The following TRAPPC9 variants were observed in gnomAD, a reference collection of about 807,000 sequenced individuals.
TRAPPC9 encodes IKK2 binding protein.
A neutral mutation model predicts 124.0 loss-of-function variants in TRAPPC9; 83 were observed. That is an observed-to-expected ratio of 0.67 (90% CI 0.56 to 0.80). TRAPPC9 has a LOEUF of 0.80. Among genes scored for constraint, TRAPPC9 ranks in the 30% least tolerant of loss-of-function variants. The pLI is 0.00. For missense variants in TRAPPC9, 1,302 were observed against 1,508.3 expected (o/e 0.86, Z 2.27); for synonymous variants, 638 against 617.5 (o/e 1.03, Z -0.49).
chr8:140,284,411 T>A (rs1452382858), intron 13 of TRAPPC9, among the ~76,000 whole-genome samples: 1 of 152,228 alleles, frequency 6.6e-6, no homozygotes, highest in Non-Finnish European at 1.5e-5. Context: ...TGTGACTTAA[T>A]GAGTATGTGA....
In TRAPPC9 at chr8:140,281,281, G is replaced by A. The variant is rs138312471; in HGVS notation, c.2114+2608C>T. 5.5e-4 allele frequency among the ~76,000 whole-genome samples: 84 copies of A among 152,286 alleles called. 1 individual carries two copies. The highest frequency in any genetic ancestry group is 3.1e-3 in the East Asian group (16 of 5,182). On this transcript the variant is annotated intron_variant, in intron 14 of 22. Coordinates refer to ENST00000438773, the MANE Select transcript of TRAPPC9 (RefSeq NM_001160372.4). Reference sequence around the variant, plus strand: ...CTCGCACGAGGCGTCCAGCTTCTCCGAAACCTTGCAGCCCTGCTATGGTGA... The same window carrying A: ...CTCGCACGAGGCGTCCAGCTTCTCCAAAACCTTGCAGCCCTGCTATGGTGA...
intron 18 of TRAPPC9, among the ~76,000 whole-genome samples, chr8:140,017,777 T>G (rs571747068): frequency 6.6e-6 from 1 of 152,348 alleles, no homozygotes; most frequent in African/African-American, 2.4e-5. Context: ...CGAATTGCAT[T>G]CAACTTACAA....
intron 17 of TRAPPC9, among the ~76,000 whole-genome samples, chr8:140,126,680 T>TTAAA (rs757462293): frequency 6.6e-6 from 1 of 152,218 alleles, no homozygotes; most frequent in Non-Finnish European, 1.5e-5. Context: ...GGACAGTGTA[T>TTAAA]TTAGCCAGAG....
At chr8:140,236,688 G>A (rs2063738055) in intron 16 of TRAPPC9, among the ~76,000 whole-genome samples, 1 of 152,018 alleles carries the variant, frequency 6.6e-6, no homozygotes, top group Non-Finnish European at 1.5e-5. Context: ...AAAATCTGTG[G>A]GACCTTTATA....
chr8:140,179,982 G>A (rs2062159019), intron 17 of TRAPPC9, among the ~76,000 whole-genome samples: 1 of 116,848 alleles, frequency 8.6e-6, no homozygotes, highest in South Asian at 3.1e-4. Flanking sequence ...ACAATTTATA[G>A]TTATATCTTG....
chr8:140,369,272 G>A (rs561208885), intron 8 of TRAPPC9, among the ~76,000 whole-genome samples: 140 of 152,298 alleles, frequency 9.2e-4, no homozygotes, highest in Non-Finnish European at 1.8e-3. Context: ...CCACAGACAC[G>A]TAAGTTAGAA....
rs553711046 is a variant in TRAPPC9 at position 140,264,930 on chromosome 8, G to A, written c.2278+10728C>T. The stretch of plus-strand genomic sequence containing the variant: ...ACTGGATCCTGGTAAGTATCCAGAC[G>A]AGAACACCAAGCCTCCAGCACTCAG... On this transcript the variant is annotated intron_variant, in intron 15 of 22. Transcript: ENST00000438773. Among the ~76,000 whole-genome samples, 58 of 152,264 alleles carry A rather than the reference G, an allele frequency of 3.8e-4. 1 individual carries two copies. Among genetic ancestry groups the A allele is most frequent in the Admixed American group, 3.1e-3 (47 of 15,280 alleles).
chr8:139,842,859 C>A (rs1249116029), intron 21 of TRAPPC9, among the ~76,000 whole-genome samples: 1 of 152,254 alleles, frequency 6.6e-6, no homozygotes, highest in East Asian at 1.9e-4. Flanking sequence ...CCAGGTCCTA[C>A]AACCGGGTTT....
chr8:140,275,361 T>C (rs1161496152), intron 15 of TRAPPC9, among the ~76,000 whole-genome samples: 1 of 152,216 alleles, frequency 6.6e-6, no homozygotes, highest in Non-Finnish European at 1.5e-5. Flanking sequence ...GAGTAGCTGA[T>C]GGATGCTGAG....
chr8:139,761,053 C>T (rs772773436), intron 21 of TRAPPC9, among the ~76,000 whole-genome samples: 4 of 152,226 alleles, frequency 2.6e-5, no homozygotes, highest in Non-Finnish European at 4.4e-5. Flanking sequence ...GCAGTACAGG[C>T]CTCCCTGGGC....
At chr8:139,791,888 T>C (rs892848583) in intron 21 of TRAPPC9, among the ~76,000 whole-genome samples, 2 of 152,164 alleles carry the variant, frequency 1.3e-5, no homozygotes, top group African/African-American at 4.8e-5. Context: ...ATCACCCCTC[T>C]GCAGCGCGCG....
chr8:140,109,886 G>A (rs762904989), intron 17 of TRAPPC9, among the ~76,000 whole-genome samples: 1 of 152,196 alleles, frequency 6.6e-6, no homozygotes, highest in Admixed American at 6.5e-5. Context: ...GTCAACAGAG[G>A]CTGGGGAGAC....
chr8:139,879,352 C>T (rs1434493329), intron 21 of TRAPPC9, among the ~76,000 whole-genome samples: 1 of 152,198 alleles, frequency 6.6e-6, no homozygotes, highest in Non-Finnish European at 1.5e-5. Context: ...GTGGACCCTG[C>T]ACCACACGTG....
chr8:140,146,770 A>C (rs1428194082), intron 17 of TRAPPC9, among the ~76,000 whole-genome samples: 2 of 151,270 alleles, frequency 1.3e-5, no homozygotes, highest in Non-Finnish European at 2.9e-5. Context: ...ACAGTGTCCC[A>C]TGGGCCAGGC....
At chr8:140,401,285 G>C (rs1426754423) in intron 6 of TRAPPC9, among the ~76,000 whole-genome samples, 2 of 152,176 alleles carry the variant, frequency 1.3e-5, no homozygotes, top group African/African-American at 4.8e-5. Flanking sequence ...ATGTCAGAAA[G>C]GGTAGGCTTC....
At chr8:140,108,306 C>G (rs1351754027) in intron 17 of TRAPPC9, among the ~76,000 whole-genome samples, 1 of 152,232 alleles carries the variant, frequency 6.6e-6, no homozygotes, top group Non-Finnish European at 1.5e-5. Context: ...GGGCACAGCC[C>G]TTCATCACGT....
In TRAPPC9 at chr8:140,308,292, T is replaced by C. The variant is rs142047687; in HGVS notation, c.1622+2956A>G. On this transcript the variant is annotated intron_variant, in intron 10 of 22. Transcript: ENST00000438773. Reference sequence around the variant, plus strand: ...GGCCCTGCAAGCCATGCAAAGCAAGTACATTAGAGTCTGTTCTCTAAGCGG... The same window carrying C: ...GGCCCTGCAAGCCATGCAAAGCAAGCACATTAGAGTCTGTTCTCTAAGCGG... Among the ~76,000 whole-genome samples the C allele has an allele frequency of 1.9e-3, 292 of 151,440 alleles. 3 individuals are homozygous for C. Among genetic ancestry groups the C allele is most frequent in the African/African-American group, 6.8e-3 (281 of 41,204 alleles).
chr8:140,229,193 G>A (rs2063524648), intron 16 of TRAPPC9, among the ~76,000 whole-genome samples: 1 of 149,942 alleles, frequency 6.7e-6, no homozygotes, highest in Non-Finnish European at 1.5e-5. Flanking sequence ...ACAGAAAGCA[G>A]TAGGCAAGCA....
At chr8:139,960,609 T>TAGCCGGAGGAGCAAGGGAACAGATTCCCC (rs1835319188) in intron 19 of TRAPPC9, among the ~76,000 whole-genome samples, 3 of 127,978 alleles carry the variant, frequency 2.3e-5, no homozygotes, top group South Asian at 5.0e-4. Context: ...GACCCAGCTG[T>TAGCCGGAGGAGCAAGGGAACAGATTCCCC]CAAGTCTGGA....
Sources: allele counts gnomAD v4.1 joint callset (sites outside exome capture counted in the v4.1 genomes callset), GRCh38; gene constraint gnomAD v4.1.1; transcripts MANE v1.5; gene names NCBI Gene and HGNC (gene_info 2026-07-23, HGNC 2026-07-21).